LINGO2: variants seen among roughly 807,000 people sequenced by gnomAD.
LINGO2 encodes the protein leucine rich repeat and Ig domain containing 2, also known as leucine-rich repeat and immunoglobulin-like domain-containing nogo receptor-interacting protein 2.
LINGO2 carries 14 observed loss-of-function variants against 30.6 expected under a neutral mutation model. That is an observed-to-expected ratio of 0.46 (90% CI 0.30 to 0.72). LINGO2 has a LOEUF of 0.72. Among genes scored for constraint, LINGO2 ranks in the 30% least tolerant of loss-of-function variants. The pLI is 0.07. For synonymous variants in LINGO2, 317 were observed against 288.5 expected, an observed-to-expected ratio of 1.10 and a Z score of -1.00; for missense variants, 729 against 751.7, an observed-to-expected ratio of 0.97 and a Z score of 0.35.
chr9:28,568,271 T>C (rs552448112), intron 1 of LINGO2, among the ~76,000 whole-genome samples: 29 of 152,036 alleles, frequency 1.9e-4, no homozygotes, highest in African/African-American at 7.0e-4. Flanking sequence ...GGGAGCTCAC[T>C]GATGAGAACA....
At chr9:28,790,419 C>T in the LINGO2 span, among the ~76,000 whole-genome samples, 2 of 148,706 alleles carry the variant, frequency 1.3e-5, no homozygotes, top group African/African-American at 5.0e-5. Flanking sequence ...AGCTCCGCCT[C>T]CCGGGTTCAC....
At chr9:28,288,736 T>C (rs1165048753) in intron 4 of LINGO2, among the ~76,000 whole-genome samples, 1 of 152,222 alleles carries the variant, frequency 6.6e-6, no homozygotes, top group Non-Finnish European at 1.5e-5. Context: ...GGGAATCAGC[T>C]GCCTCACTAA....
chr9:28,771,755 G>C, the LINGO2 span, among the ~76,000 whole-genome samples: 1 of 152,114 alleles, frequency 6.6e-6, no homozygotes, highest in East Asian at 1.9e-4. Flanking sequence ...AGGAAAGATT[G>C]GCTATTAGGA....
intron 4 of LINGO2, among the ~76,000 whole-genome samples, chr9:28,294,258 A>C (rs1012283242): frequency 6.6e-6 from 1 of 152,132 alleles, no homozygotes; most frequent in Non-Finnish European, 1.5e-5. Flanking sequence ...CGTTTACTTT[A>C]TTTTCAGAAA....
intron 1 of LINGO2, among the ~76,000 whole-genome samples, chr9:28,545,004 T>G (rs1821868725): frequency 6.6e-6 from 1 of 151,754 alleles, no homozygotes; most frequent in Admixed American, 6.6e-5. Context: ...TATATATTCT[T>G]TATAGTCATT....
the LINGO2 span, among the ~76,000 whole-genome samples, chr9:28,815,991 GC>G: frequency 6.6e-6 from 1 of 152,138 alleles, no homozygotes; most frequent in East Asian, 1.9e-4. Flanking sequence ...AGATCAAGGA[GC>G]CCCATCCAGT....
the LINGO2 span, among the ~76,000 whole-genome samples, chr9:28,902,968 T>C: frequency 1.4e-4 from 21 of 150,888 alleles, no homozygotes; most frequent in Non-Finnish European, 2.5e-4. Flanking sequence ...ACCAAGGAAC[T>C]TGAAAAAAGA....
the LINGO2 span, among the ~76,000 whole-genome samples, chr9:29,166,908 A>G: frequency 6.6e-6 from 1 of 152,090 alleles, no homozygotes; most frequent in Non-Finnish European, 1.5e-5. Flanking sequence ...CTAAAAATAT[A>G]AGCAGGCAGA....
chr9:28,685,340 G>T, the LINGO2 span, among the ~76,000 whole-genome samples: 1 of 152,160 alleles, frequency 6.6e-6, no homozygotes, highest in Admixed American at 6.5e-5. Flanking sequence ...AAGAATTAGA[G>T]ATTTATAGTC....
the LINGO2 span, among the ~76,000 whole-genome samples, chr9:29,091,636 G>A: frequency 1.3e-5 from 2 of 151,856 alleles, no homozygotes; most frequent in East Asian, 3.9e-4. Context: ...CAATCACCAG[G>A]TACTTTACTG....
chr9:29,103,713 TTCC>T, the LINGO2 span, among the ~76,000 whole-genome samples: 1 of 152,164 alleles, frequency 6.6e-6, no homozygotes, highest in Non-Finnish European at 1.5e-5. Context: ...GAGCTTGCCA[TTCC>T]TAGTCAATAC....
At chr9:28,401,277 T>G (rs932840887) in intron 2 of LINGO2, among the ~76,000 whole-genome samples, 1 of 151,988 alleles carries the variant, frequency 6.6e-6, no homozygotes, top group African/African-American at 2.4e-5. Flanking sequence ...TCCTCTAAGC[T>G]CCCTCCCCTT....
At chr9:28,509,383 T>C (rs908920892) in intron 1 of LINGO2, among the ~76,000 whole-genome samples, 8 of 152,252 alleles carry the variant, frequency 5.3e-5, no homozygotes, top group Non-Finnish European at 8.8e-5. Context: ...TTCTGCTTTT[T>C]GATTGAAGTT....
chr9:28,730,300 A>C, the LINGO2 span, among the ~76,000 whole-genome samples: 1 of 152,206 alleles, frequency 6.6e-6, no homozygotes, highest in Non-Finnish European at 1.5e-5. Context: ...CAGATGCAGG[A>C]ATGTGATCAT....
intron 1 of LINGO2, among the ~76,000 whole-genome samples, chr9:28,604,222 TA>T (rs1265559955): frequency 5.3e-5 from 8 of 151,966 alleles, no homozygotes; most frequent in Non-Finnish European, 7.4e-5. Context: ...ACCCAGGCAC[TA>T]CAGTGTTAGG....
the LINGO2 span, among the ~76,000 whole-genome samples, chr9:29,051,729 A>C: frequency 1.3e-5 from 2 of 152,126 alleles, no homozygotes; most frequent in Non-Finnish European, 2.9e-5. Context: ...TCATATCTCA[A>C]ACATAAGAGA....
At chr9:28,764,835 G>A in the LINGO2 span, among the ~76,000 whole-genome samples, 3 of 151,696 alleles carry the variant, frequency 2.0e-5, no homozygotes, top group Admixed American at 6.6e-5. Context: ...ACAAAAATCA[G>A]TAGTATTTCT....
chr9:29,014,982 C>A, the LINGO2 span, among the ~76,000 whole-genome samples: 2 of 152,116 alleles, frequency 1.3e-5, no homozygotes, highest in Admixed American at 6.6e-5. Flanking sequence ...ACTGTCCTGG[C>A]TACACTTTTC....
rs527554779 is a variant in LINGO2, at chr9:28,452,530, T to G, written c.-279+23410A>C. Among the ~76,000 whole-genome samples the G allele has an allele frequency of 2.6e-4, 40 of 151,924 alleles. 2 individuals carry two copies. The South Asian group carries it at 8.1e-3, about 31-fold the overall frequency. ...TTATTAAATACATAATTTTCCAATT[T>G]TGTTGACCCTAGAATATTCTTTATC... On this transcript the variant is annotated intron_variant, in intron 2 of 5. Coordinates refer to ENST00000379992, the Ensembl canonical transcript of LINGO2.
Sources: gnomAD v4.1 joint callset for allele counts (sites outside exome capture counted in the v4.1 genomes callset) on GRCh38, gnomAD v4.1.1 for gene constraint, MANE v1.5 for transcripts, NCBI Gene and HGNC (gene_info 2026-07-23, HGNC 2026-07-21) for gene names.